ST18: variants seen among roughly 807,000 people sequenced by gnomAD.
ST18 encodes the protein ST18 C2H2C-type zinc finger transcription factor.
A neutral mutation model predicts 110.0 loss-of-function variants in ST18; 50 were observed. That is an observed-to-expected ratio of 0.45 (90% CI 0.36 to 0.58). The LOEUF (loss-of-function observed/expected upper bound fraction) is 0.58, where lower values mean the gene tolerates loss of function less well. Among genes scored for constraint, ST18 ranks in the 20% least tolerant of loss-of-function variants. ST18 has a pLI of 0.00. For synonymous variants in ST18, 461 were observed against 452.4 expected (o/e 1.02, Z -0.24); for missense variants, 1,306 against 1,280.1 (o/e 1.02, Z -0.31).
intron 2 of ST18, among the ~76,000 whole-genome samples, chr8:52,394,918 G>A (rs989224693): frequency 2.6e-5 from 4 of 152,194 alleles, no homozygotes; most frequent in African/African-American, 9.7e-5. Flanking sequence ...TCAAGTGAAG[G>A]GGAAAGAAAC....
At chr8:52,255,805 TA>T (rs2094508057) in intron 2 of ST18, among the ~76,000 whole-genome samples, 1 of 152,222 alleles carries the variant, frequency 6.6e-6, no homozygotes, top group Non-Finnish European at 1.5e-5. Flanking sequence ...CAACATTCAA[TA>T]AATCTCAGAC....
chr8:52,408,348 C>A (rs1385468043), intron 2 of ST18, among the ~76,000 whole-genome samples: 1 of 152,214 alleles, frequency 6.6e-6, no homozygotes, highest in East Asian at 1.9e-4. Context: ...AAGTTGTGTG[C>A]AATAAATGTA....
At chr8:52,211,307 C>T (rs1341953317) in intron 8 of ST18, among the ~76,000 whole-genome samples, 1 of 151,250 alleles carries the variant, frequency 6.6e-6, no homozygotes, top group African/African-American at 2.4e-5. Flanking sequence ...TGAATCCACT[C>T]AAAAAAACTA....
chr8:52,164,337 G>A (rs1052267873), intron 12 of ST18, among the ~76,000 whole-genome samples: 2 of 152,158 alleles, frequency 1.3e-5, no homozygotes, highest in Non-Finnish European at 2.9e-5. Flanking sequence ...ATTATGTAAG[G>A]GATAAATAAC....
chr8:52,269,696 G>A (rs1033500805), intron 2 of ST18, among the ~76,000 whole-genome samples: 4 of 152,168 alleles, frequency 2.6e-5, no homozygotes, highest in South Asian at 2.1e-4. Context: ...CCAATTTCAC[G>A]GTGGGATTAT....
chr8:52,217,577 G>A (rs938255356), intron 6 of ST18, among the ~76,000 whole-genome samples, 169 bp downstream of exon 6: 1 of 152,010 alleles, frequency 6.6e-6, no homozygotes, highest in African/African-American at 2.4e-5. Flanking sequence ...GAAAAGACAT[G>A]TACAAAATAA....
At chr8:52,200,838 C>T (rs953462650) in intron 8 of ST18, among the ~76,000 whole-genome samples, 3 of 152,076 alleles carry the variant, frequency 2.0e-5, no homozygotes, top group Admixed American at 6.5e-5. Flanking sequence ...TTTACTGACA[C>T]GGGAAGCAGG....
intron 2 of ST18, among the ~76,000 whole-genome samples, chr8:52,326,622 G>A (rs1002501977): frequency 4.6e-5 from 7 of 152,156 alleles, no homozygotes; most frequent in Non-Finnish European, 8.8e-5. Context: ...TGCATAAAAT[G>A]TATATTTCAA....
chr8:52,182,587 T>A (rs1354696259), intron 8 of ST18, among the ~76,000 whole-genome samples: 2 of 152,112 alleles, frequency 1.3e-5, no homozygotes, highest in Non-Finnish European at 2.9e-5. Context: ...GTATCTACAA[T>A]AGTCAAAATT....
At chr8:52,126,217 C>G in intron 22 of ST18, 77 bp from the exon 23 acceptor site, 1 of 1,418,482 alleles carries the variant, frequency 7.0e-7, no homozygotes. Context: ...TATTCACAAC[C>G]TACTATTTGT....
intron 2 of ST18, among the ~76,000 whole-genome samples, chr8:52,295,999 A>G (rs76954131): frequency 6.7e-6 from 1 of 149,094 alleles, no homozygotes; most frequent in Middle Eastern, 3.5e-3. Flanking sequence ...GTCTTGCTGG[A>G]AAAAAAAAAT....
chr8:52,174,168 G>C (rs1004569293), intron 9 of ST18, among the ~76,000 whole-genome samples: 3 of 152,296 alleles, frequency 2.0e-5, no homozygotes, highest in Non-Finnish European at 2.9e-5. Flanking sequence ...TCCTAGAAAA[G>C]AGGCTGGATA....
Position 52,180,126 on chromosome 8 carries a change from G to A in ST18, c.273C>T (p.Thr91=), listed in dbSNP as rs137908806. 6.2e-6 allele frequency: 10 copies of A among 1,613,920 alleles called. No individual in the cohort carries two copies. Among genetic ancestry groups the A allele is most frequent in the Admixed American group, 3.3e-5 (2 of 59,996 alleles). Residue 91 remains threonine (T), a synonymous_variant, in exon 9 of 26, where the codon ACC becomes ACT. Transcript: ENST00000689386. The part of the protein sequence containing the change: ...DGPLETHGHS[T]AEEIMIKPMD... ...TTGGGCTCTCCTCCTTGCTACCTGC[G>A]GTAGAGTGACCATGTGTTTCCAAGG...
At chr8:52,314,888 C>T (rs747045485) in intron 2 of ST18, among the ~76,000 whole-genome samples, 23 of 152,144 alleles carry the variant, frequency 1.5e-4, no homozygotes, top group Admixed American at 6.5e-5. Context: ...CAGCCAGCCT[C>T]GATTCTAAAG....
intron 8 of ST18, chr8:52,206,431 TA>T (rs1448565366): frequency 2.0e-5 from 3 of 152,258 alleles, no homozygotes; most frequent in Non-Finnish European, 4.4e-5. Context: ...CAATATATTT[TA>T]AGACACTTTT....
chr8:52,131,818 T>C, intron 22 of ST18, 140 bp downstream of exon 22: 1 of 674,928 alleles, frequency 1.5e-6, no homozygotes, highest in Non-Finnish European at 2.5e-6. Flanking sequence ...CCAGTATCTA[T>C]ACAGCAAGAC....
chr8:52,299,777 C>T (rs1243892412), intron 2 of ST18, among the ~76,000 whole-genome samples: 1 of 152,172 alleles, frequency 6.6e-6, no homozygotes. Flanking sequence ...GAACTCAGGC[C>T]AAAAGTGGGT....
At chr8:52,378,628 T>C (rs1374748433) in intron 2 of ST18, among the ~76,000 whole-genome samples, 1 of 152,216 alleles carries the variant, frequency 6.6e-6, no homozygotes, top group Non-Finnish European at 1.5e-5. Context: ...ATAAATCCTA[T>C]ATACATATAT....
chr8:52,400,542 T>A (rs981026030), intron 2 of ST18, among the ~76,000 whole-genome samples: 2 of 152,130 alleles, frequency 1.3e-5, no homozygotes, highest in Non-Finnish European at 2.9e-5. Flanking sequence ...GTTGATTTTC[T>A]GTAGTGCTAA....
Sources: allele counts gnomAD v4.1 joint callset (sites outside exome capture counted in the v4.1 genomes callset), GRCh38; gene constraint gnomAD v4.1.1; transcripts MANE v1.5; gene names NCBI Gene and HGNC (gene_info 2026-07-23, HGNC 2026-07-21).